The following PHYKPL variants were observed in gnomAD, a reference collection of about 807,000 sequenced individuals.
PHYKPL encodes 5-phosphonooxy-L-lysine phospho-lyase.
PHYKPL carries 42 observed loss-of-function variants against 51.3 expected under a neutral mutation model. The observed-to-expected ratio is 0.82, with a 90% confidence interval of 0.64 to 1.06. The LOEUF is 1.06. PHYKPL is among the 50% of genes least tolerant of loss of function. The pLI, the probability that PHYKPL is intolerant of heterozygous loss-of-function variation, is 0.00. For synonymous variants in PHYKPL, 264 were observed against 236.0 expected (o/e 1.12, Z -1.09); for missense variants, 655 against 586.6 (o/e 1.12, Z -1.20).
intron 1 of PHYKPL, chr5:178,231,944 C>T (rs2973727): frequency 0.97 from 1,220,115 of 1,260,154 alleles, 591,094 homozygotes; most frequent in Non-Finnish European, 0.98. Context: ...AGCCACGTGG[C>T]CCTGCTGCCC....
Position 178,222,340 on chromosome 5 carries a change from AG to A in PHYKPL, c.927+14del. ...AGAACCCATGTTGCTCCCTTGACTT[AG>A]AGCCATCACTCACCGTGTTGAAGTA... On this transcript the variant is annotated intron_variant, in intron 8 of 12. Coordinates refer to ENST00000308158, the MANE Select transcript of PHYKPL (RefSeq NM_153373.4). 6.2e-7 allele frequency: 1 copy of A among 1,601,434 alleles called. No individual in the cohort carries two copies. Among genetic ancestry groups the A allele is most frequent in the Non-Finnish European group, 8.5e-7 (1 of 1,170,848 alleles).
At chr5:178,223,178 AT>A in intron 6 of PHYKPL, 1 of 500,738 alleles carries the variant, frequency 2.0e-6, no homozygotes, top group Non-Finnish European at 3.7e-6. Context: ...ACATGCACTG[AT>A]TTTTCCACCA....
At chr5:178,224,423 A>C in intron 6 of PHYKPL, 25 bp downstream of exon 6, 2 of 1,540,660 alleles carry the variant, frequency 1.3e-6, no homozygotes, top group Non-Finnish European at 1.8e-6. Flanking sequence ...TGTTGGCTGG[A>C]TTGGACAGGC....
chr5:178,227,972 G>A (rs566070149), intron 3 of PHYKPL, among the ~76,000 whole-genome samples: 4 of 152,326 alleles, frequency 2.6e-5, no homozygotes, highest in East Asian at 3.9e-4. Context: ...CAAGATGAGC[G>A]GGGGTGAGTG....
At chr5:178,222,692 C>T (rs1761423344) in intron 7 of PHYKPL, 112 bp from the exon 8 acceptor site, 2 of 1,367,084 alleles carry the variant, frequency 1.5e-6, no homozygotes, top group South Asian at 1.3e-5. Context: ...AGGTGGGGAC[C>T]TTGGGCAATG....
At chr5:178,225,208 G>T in intron 4 of PHYKPL, 147 bp downstream of exon 4, 1 of 894,582 alleles carries the variant, frequency 1.1e-6, no homozygotes, top group Non-Finnish European at 1.7e-6. Flanking sequence ...GGAGGTCTCA[G>T]GCCTGGTCCT....
In PHYKPL at chr5:178,215,407, G is replaced by A. The variant is rs755182524; in HGVS notation, c.951C>T (p.Cys317=). ...FNTFGGSPVS[C]AVGLAVLNVL... ...CATTCAGGACGGCCAGCCCCACAGC[G>A]CAGGACACTGGGCTGCCCCCAAACT... The change falls in exon 9 of 13, where the codon TGC becomes TGT. Residue 317 remains cysteine, a synonymous_variant. Transcript: ENST00000308158. 2.2e-5 allele frequency: 35 copies of A among 1,613,402 alleles called. No individual in the cohort carries two copies. Among genetic ancestry groups the A allele is most frequent in the African/African-American group, 4.0e-5 (3 of 74,890 alleles).
intron 9 of PHYKPL, 50 bp downstream of exon 9, chr5:178,215,226 C>CA: frequency 6.2e-7 from 1 of 1,611,740 alleles, no homozygotes; most frequent in Non-Finnish European, 8.5e-7. Context: ...AAAATGGTAC[C>CA]ACACTGGGCC....
chr5:178,225,157 C>G (rs1157576127), intron 4 of PHYKPL, 198 bp downstream of exon 4: 4 of 621,660 alleles, frequency 6.4e-6, no homozygotes, highest in Non-Finnish European at 1.1e-5. Context: ...CTCCCCAGAG[C>G]TGCCTTCCCA....
At chr5:178,215,222 G>T in intron 9 of PHYKPL, 54 bp downstream of exon 9, 1 of 1,610,920 alleles carries the variant, frequency 6.2e-7, no homozygotes, top group Admixed American at 1.7e-5. Context: ...GAAGAAAATG[G>T]TACCACACTG....
intron 8 of PHYKPL, among the ~76,000 whole-genome samples, chr5:178,219,872 C>G (rs1760781703): frequency 6.6e-6 from 1 of 152,118 alleles, no homozygotes; most frequent in Non-Finnish European, 1.5e-5. Flanking sequence ...TTACGCTCCA[C>G]TTGACTGGCA....
intron 7 of PHYKPL, 40 bp downstream of exon 7, chr5:178,222,812 C>A (rs1243903244): frequency 6.2e-6 from 10 of 1,604,778 alleles, no homozygotes; most frequent in South Asian, 5.5e-5. Flanking sequence ...CCTCATTAGA[C>A]CCCTGCCCTC....
chr5:178,228,518 C>T (rs1762729581), intron 3 of PHYKPL: 9 of 702,302 alleles, frequency 1.3e-5, no homozygotes, highest in East Asian at 1.1e-4. Flanking sequence ...CCTTCTCTTT[C>T]CAGAGGCTCC....
rs766388681 is a variant in PHYKPL at position 178,222,462 on chromosome 5, C to T, written c.820G>A (p.Val274Ile). Residue 274 changes from valine (V) to isoleucine (I), a missense_variant, in exon 8 of 13, where the codon GTC becomes ATC. Transcript: ENST00000308158. ...LQGKDFVPDI[V>I]TMGKSIGNGH... is the part of the protein sequence containing the mutation. ...TTGCCAATGGACTTGCCCATGGTGA[C>T]GATGTCAGGGACGAAGTCTTTTCCC... The T allele has an allele frequency of 3.2e-5, 51 of 1,614,140 alleles. No homozygotes were observed. The highest frequency in any genetic ancestry group is 8.3e-5 in the Admixed American group (5 of 60,016).
intron 3 of PHYKPL, chr5:178,225,646 G>T: frequency 1.8e-6 from 1 of 559,650 alleles, no homozygotes; most frequent in Non-Finnish European, 3.2e-6. Flanking sequence ...TGGCCCTTCT[G>T]GAATTTACAT....
intron 8 of PHYKPL, among the ~76,000 whole-genome samples, chr5:178,218,889 CCA>C (rs1356193363): frequency 6.6e-6 from 1 of 152,032 alleles, no homozygotes; most frequent in Admixed American, 6.6e-5. Context: ...GACCCAGTTA[CCA>C]AAACCCAAGG....
chr5:178,214,432 G>C (rs1759320759), intron 10 of PHYKPL, among the ~76,000 whole-genome samples: 1 of 152,158 alleles, frequency 6.6e-6, no homozygotes, highest in Non-Finnish European at 1.5e-5. Context: ...GGTATGAATA[G>C]AGAAGGTGTT....
chr5:178,221,224 T>G (rs1342881940), intron 8 of PHYKPL, among the ~76,000 whole-genome samples: 2 of 152,118 alleles, frequency 1.3e-5, no homozygotes, highest in Non-Finnish European at 2.9e-5. Context: ...AACAAAGAAA[T>G]AAACAAAAGT....
chr5:178,232,460 CG>C, intron 1 of PHYKPL, 31 bp downstream of exon 1: 2 of 1,358,582 alleles, frequency 1.5e-6, no homozygotes, highest in Non-Finnish European at 1.9e-6. Context: ...CGCAGCCCCG[CG>C]CCCCCCGCCG....
Sources: allele counts gnomAD v4.1 joint callset (sites outside exome capture counted in the v4.1 genomes callset), GRCh38; gene constraint gnomAD v4.1.1; transcripts MANE v1.5; gene names NCBI Gene and HGNC (gene_info 2026-07-23, HGNC 2026-07-21).